Variants in APLF observed in about 807,000 individuals in gnomAD.
The protein encoded by APLF is aprataxin and PNK-like factor.
A neutral mutation model predicts 55.6 loss-of-function variants in APLF; 61 were observed. The observed-to-expected ratio is 1.10, with a 90% CI of 0.89 to 1.36. The LOEUF (loss-of-function observed/expected upper bound fraction) is 1.36, where lower values mean the gene tolerates loss of function less well. Among genes scored for constraint, APLF ranks in the 40% most tolerant of loss-of-function variants. The pLI is 0.00. For synonymous variants in APLF, 207 were observed against 214.8 expected (o/e 0.96, Z 0.32); for missense variants, 611 against 602.5 (o/e 1.01, Z -0.15).
chr2:68,477,990 A>G (rs1675831390), intron 1 of APLF, among the ~76,000 whole-genome samples: 1 of 151,666 alleles, frequency 6.6e-6, no homozygotes, highest in Non-Finnish European at 1.5e-5. Context: ...GCCAAACTAT[A>G]CTATATCACT....
At chr2:68,516,252 T>TTA (rs1249187288) in intron 5 of APLF, among the ~76,000 whole-genome samples, 1 of 151,680 alleles carries the variant, frequency 6.6e-6, no homozygotes. Flanking sequence ...ACTGTATAGC[T>TTA]GCCTAAATTT....
At chr2:68,570,233 T>C (rs553403991) in intron 9 of APLF, among the ~76,000 whole-genome samples, 72 of 151,758 alleles carry the variant, frequency 4.7e-4, no homozygotes, top group African/African-American at 1.7e-3. Flanking sequence ...GCACAAGTTA[T>C]TGAATGCAAA....
intron 8 of APLF, among the ~76,000 whole-genome samples, chr2:68,558,006 A>C (rs969975074): frequency 2.0e-5 from 3 of 152,170 alleles, no homozygotes; most frequent in African/African-American, 2.4e-5. Context: ...TGCCATGCTT[A>C]CAGTTCTTTA....
intron 6 of APLF, among the ~76,000 whole-genome samples, chr2:68,526,455 G>A (rs1670049385): frequency 6.6e-6 from 1 of 152,120 alleles, no homozygotes; most frequent in Non-Finnish European, 1.5e-5. Context: ...TAACTATGGC[G>A]ACCGCCACGG....
intron 1 of APLF, among the ~76,000 whole-genome samples, chr2:68,468,707 T>A (rs1675513885): frequency 6.6e-6 from 1 of 152,218 alleles, no homozygotes; most frequent in Admixed American, 6.5e-5. Flanking sequence ...CATTCAACAT[T>A]TCTTGTTTGG....
chr2:68,502,720 T>A lies in APLF; in HGVS notation c.169-11T>A, dbSNP rs774987529. The stretch of plus-strand genomic sequence containing the variant: ...TTTTAAATTTAATTATATTCTTTTT[T>A]AATTTGTTAGATACACACAAATCCA... On this transcript the variant is annotated splice_polypyrimidine_tract_variant and intron_variant, in intron 2 of 9. Coordinates refer to ENST00000303795, the MANE Select transcript of APLF (RefSeq NM_173545.3). 3.6e-6 allele frequency: 5 copies of A among 1,389,090 alleles called. No individual in the cohort carries two copies. The highest frequency in any genetic ancestry group is 1.9e-5 in the South Asian group (1 of 53,712). 86.0% of individuals were successfully genotyped at this position (1,389,090 alleles called of 1,614,324 possible).
At chr2:68,567,437 T>C (rs1001840187) in intron 9 of APLF, 50 bp downstream of exon 9, 28 of 1,401,710 alleles carry the variant, frequency 2.0e-5, no homozygotes, top group Non-Finnish European at 2.7e-5. Context: ...TAAATGATTT[T>C]CCTATTAAAC....
chr2:68,537,779 T>G (rs753081640), intron 6 of APLF, 93 bp from the exon 7 acceptor site: 17 of 909,528 alleles, frequency 1.9e-5, no homozygotes, highest in Non-Finnish European at 2.8e-5. Flanking sequence ...TAAGTTTACA[T>G]TTTGCATGGA....
intron 1 of APLF, among the ~76,000 whole-genome samples, chr2:68,481,539 C>T (rs987031013): frequency 6.6e-6 from 1 of 152,080 alleles, no homozygotes; most frequent in African/African-American, 2.4e-5. Flanking sequence ...AGAATTTTCT[C>T]ATTGTCTTTG....
At chr2:68,565,615 CAA>C (rs1671288743) in intron 8 of APLF, among the ~76,000 whole-genome samples, 1 of 151,862 alleles carries the variant, frequency 6.6e-6, no homozygotes, top group African/African-American at 2.4e-5. Flanking sequence ...AACAAGAAGA[CAA>C]ATATTTTTCA....
At chr2:68,536,665 G>A (rs1670397851) in intron 6 of APLF, among the ~76,000 whole-genome samples, 1 of 152,200 alleles carries the variant, frequency 6.6e-6, no homozygotes, top group South Asian at 2.1e-4. Context: ...GCTAATGAGA[G>A]TATTTATTTG....
Position 68,578,637 on chromosome 2 carries a change from G to C in APLF, c.*615G>C. 1 of 985,278 alleles carries C rather than the reference G, an allele frequency of 1.0e-6. No individual in the cohort carries two copies. The highest frequency in any genetic ancestry group is 1.2e-6 in the Non-Finnish European group (1 of 829,860). The allele number at this position is 985,278 out of a possible 1,614,324, so 61.0% of individuals were successfully genotyped here. On this transcript the variant is annotated 3_prime_UTR_variant, in exon 10 of 10. Coordinates refer to ENST00000303795, the MANE Select transcript of APLF (RefSeq NM_173545.3). The stretch of plus-strand genomic sequence containing the variant: ...GAGAAATGTTCACCATGTAGGGAAT[G>C]TTATTTTGTGTTCCACATCTGCAAT...
intron 9 of APLF, among the ~76,000 whole-genome samples, chr2:68,575,489 TG>T (rs1189348333): frequency 6.6e-6 from 1 of 152,154 alleles, no homozygotes; most frequent in African/African-American, 2.4e-5. Context: ...GACTTTTTTT[TG>T]TGAAGAATAG....
intron 9 of APLF, among the ~76,000 whole-genome samples, chr2:68,570,131 T>C (rs1671413578): frequency 6.6e-6 from 1 of 152,048 alleles, no homozygotes; most frequent in South Asian, 2.1e-4. Context: ...TTCTTGTAGG[T>C]TGGACTCCTG....
In APLF at chr2:68,467,783, C is replaced by T; in HGVS notation, c.52C>T (p.Leu18=). The T allele has an allele frequency of 8.1e-6, 10 of 1,234,384 alleles. No individual in the cohort carries two copies. Among genetic ancestry groups the T allele is most frequent in the Non-Finnish European group, 1.0e-5 (10 of 988,146 alleles). 76.5% of individuals were successfully genotyped at this position (1,234,384 alleles called of 1,614,324 possible). Residue 18 remains leucine, a synonymous_variant, in exon 1 of 10, where the codon CTG becomes TTG. Coordinates refer to ENST00000303795, the MANE Select transcript of APLF (RefSeq NM_173545.3). ...GCGGGACGGCGGTCCCCGGGTGGCC[C>T]TGGCGCCCGGGGAGACGGTGATCGG... is the stretch of plus-strand genomic sequence containing the variant. The part of the protein sequence containing the change: ...QPRDGGPRVA[L]APGETVIGRG...
chr2:68,470,535 A>G (rs983106804), intron 1 of APLF, among the ~76,000 whole-genome samples: 4 of 152,252 alleles, frequency 2.6e-5, no homozygotes, highest in African/African-American at 9.6e-5. Context: ...ATCTACCATT[A>G]TCTTAAGAAA....
chr2:68,510,299 CTT>C lies in APLF; in HGVS notation c.342-2780_342-2779del, dbSNP rs1302109850. Among the ~76,000 whole-genome samples the C allele has an allele frequency of 2.0e-5, 3 of 151,774 alleles. 1 individual carries two copies. The highest frequency in any genetic ancestry group is 4.1e-4 in the South Asian group (2 of 4,824). ...ATATTTGTAAATCACATATAACAGA[CTT>C]ATATTCAGAATATCTAAAGAATCCT... On this transcript the variant is annotated intron_variant, in intron 3 of 9. Coordinates refer to ENST00000303795, the MANE Select transcript of APLF (RefSeq NM_173545.3).
chr2:68,513,530 T>C lies in APLF; in HGVS notation c.490-18T>C. 1 of 1,607,580 alleles carries C rather than the reference T, an allele frequency of 6.2e-7. No homozygotes were observed. Among genetic ancestry groups the C allele is most frequent in the Non-Finnish European group, 8.5e-7 (1 of 1,176,902 alleles). ...AAGATGTGTGATTATTTTTAGTAATTTATAGGTGTCTTTTTAGTCTTTCCT... is the reference window on the plus strand; with the variant it reads ...AAGATGTGTGATTATTTTTAGTAATCTATAGGTGTCTTTTTAGTCTTTCCT... On this transcript the variant is annotated intron_variant, in intron 4 of 9. Coordinates refer to ENST00000303795, the MANE Select transcript of APLF (RefSeq NM_173545.3).
At chr2:68,533,946 A>C (rs749935426) in intron 6 of APLF, among the ~76,000 whole-genome samples, 3 of 152,162 alleles carry the variant, frequency 2.0e-5, no homozygotes, top group Non-Finnish European at 4.4e-5. Flanking sequence ...TCACTAGAGG[A>C]GAGATTGGAA....
Sources: allele counts gnomAD v4.1 joint callset (sites outside exome capture counted in the v4.1 genomes callset), GRCh38; gene constraint gnomAD v4.1.1; transcripts MANE v1.5; gene names NCBI Gene and HGNC (gene_info 2026-07-23, HGNC 2026-07-21).